Variants in CSNK1G3 observed in about 807,000 individuals in gnomAD.
CSNK1G3 encodes casein kinase 1 gamma 3.
A neutral mutation model predicts 64.3 loss-of-function variants in CSNK1G3; 23 were observed. That is an observed-to-expected ratio of 0.36 (90% confidence interval 0.26 to 0.51). The LOEUF (loss-of-function observed/expected upper bound fraction) is 0.51. Ranked by LOEUF, CSNK1G3 falls within the 20% of genes least tolerant of loss-of-function variation. The pLI is 0.96. For synonymous variants in CSNK1G3, 158 were observed against 162.2 expected (o/e 0.97, Z 0.20); for missense variants, 357 against 510.5 (o/e 0.70, Z 2.90).
At chr5:123,584,641 C>T (rs1331997144) in intron 6 of CSNK1G3, among the ~76,000 whole-genome samples, 3 of 152,072 alleles carry the variant, frequency 2.0e-5, no homozygotes, top group African/African-American at 7.2e-5. Flanking sequence ...GGAACTCTTC[C>T]AATCCTGGGT....
intron 1 of CSNK1G3, among the ~76,000 whole-genome samples, chr5:123,533,900 T>G (rs1780376900): frequency 2.0e-5 from 3 of 151,950 alleles, no homozygotes; most frequent in Non-Finnish European, 4.4e-5. Flanking sequence ...ATTGTCAGTT[T>G]ATATTTGTGA....
chr5:123,594,678 GA>G (rs1252587237), intron 10 of CSNK1G3, among the ~76,000 whole-genome samples: 2 of 152,098 alleles, frequency 1.3e-5, no homozygotes, highest in African/African-American at 4.8e-5. Context: ...ATAGTGGGTG[GA>G]CTTCTAGTGT....
At chr5:123,551,740 T>G (rs935937067) in intron 2 of CSNK1G3, among the ~76,000 whole-genome samples, 9 of 152,132 alleles carry the variant, frequency 5.9e-5, no homozygotes, top group African/African-American at 2.2e-4. Flanking sequence ...GTTGATTGCT[T>G]CTTCTGTGTT....
chr5:123,523,884 A>G (rs1459764752), intron 1 of CSNK1G3, among the ~76,000 whole-genome samples: 5 of 152,206 alleles, frequency 3.3e-5, no homozygotes, highest in Non-Finnish European at 7.3e-5. Context: ...ATGTTTGATT[A>G]TAGTGTGCTG....
chr5:123,570,433 A>C (rs1302816159), intron 4 of CSNK1G3, among the ~76,000 whole-genome samples: 1 of 148,338 alleles, frequency 6.7e-6, no homozygotes, highest in Non-Finnish European at 1.5e-5. Flanking sequence ...GGCTCACTGC[A>C]ACCTCCACCT....
intron 4 of CSNK1G3, among the ~76,000 whole-genome samples, chr5:123,558,273 T>C (rs1048726434): frequency 1.3e-4 from 20 of 152,148 alleles, no homozygotes; most frequent in African/African-American, 4.3e-4. Flanking sequence ...GCAACTAATA[T>C]GGGTATGTTT....
At chr5:123,608,280 T>C (rs1288992110) in intron 12 of CSNK1G3, among the ~76,000 whole-genome samples, 2 of 152,190 alleles carry the variant, frequency 1.3e-5, no homozygotes, top group African/African-American at 4.8e-5. Context: ...TTTAGCATCC[T>C]CATGTTTCCT....
chr5:123,535,101 T>C (rs1307577390), intron 1 of CSNK1G3, among the ~76,000 whole-genome samples: 2 of 152,170 alleles, frequency 1.3e-5, no homozygotes, highest in African/African-American at 4.8e-5. Context: ...GGCACTACTG[T>C]CAAGTTATAA....
chr5:123,576,789 C>A (rs1789250636), intron 6 of CSNK1G3, among the ~76,000 whole-genome samples: 1 of 152,076 alleles, frequency 6.6e-6, no homozygotes, highest in East Asian at 1.9e-4. Flanking sequence ...AATTTCTCTA[C>A]TGAAAAGTTT....
At chr5:123,562,962 A>T (rs1410259100) in intron 4 of CSNK1G3, among the ~76,000 whole-genome samples, 1 of 152,062 alleles carries the variant, frequency 6.6e-6, no homozygotes, top group Non-Finnish European at 1.5e-5. Context: ...CATAGAACAT[A>T]TTTGAAATTT....
At chr5:123,553,201 A>G in intron 3 of CSNK1G3, 54 bp downstream of exon 3, 1 of 934,906 alleles carries the variant, frequency 1.1e-6, no homozygotes, top group Non-Finnish European at 1.6e-6. Flanking sequence ...CTTTTTAAGT[A>G]ACTTATATAT....
chr5:123,613,258 G>A (rs1353685265), intron 12 of CSNK1G3, among the ~76,000 whole-genome samples: 1 of 151,288 alleles, frequency 6.6e-6, no homozygotes, highest in African/African-American at 2.4e-5. Flanking sequence ...TTTTCCCACA[G>A]CAGCCTTGAT....
intron 4 of CSNK1G3, among the ~76,000 whole-genome samples, chr5:123,561,770 G>C (rs1463232749): frequency 2.0e-5 from 3 of 151,836 alleles, no homozygotes; most frequent in Non-Finnish European, 2.9e-5. Context: ...TTATTTTCTC[G>C]ACAGTTTCTC....
At chr5:123,567,917 G>T (rs1403322478) in intron 4 of CSNK1G3, among the ~76,000 whole-genome samples, 6 of 152,192 alleles carry the variant, frequency 3.9e-5, no homozygotes, top group Admixed American at 1.3e-4. Context: ...ATAAAAATTA[G>T]TGCTTCGGGA....
exon 13 of CSNK1G3, chr5:123,616,337 T>G (rs917695271): frequency 4.6e-5 from 7 of 152,628 alleles, no homozygotes; most frequent in African/African-American, 1.7e-4. Flanking sequence ...TGCGAATATC[T>G]GTATTTCTTA....
At chr5:123,587,252 G>C (rs1791503411) in intron 6 of CSNK1G3, among the ~76,000 whole-genome samples, 1 of 152,204 alleles carries the variant, frequency 6.6e-6, no homozygotes. Context: ...GATTGTTCAT[G>C]TGGATAAAAC....
chr5:123,572,577 C>T (rs1788336085), intron 4 of CSNK1G3, among the ~76,000 whole-genome samples: 1 of 152,174 alleles, frequency 6.6e-6, no homozygotes, highest in Non-Finnish European at 1.5e-5. Context: ...TGCAATCTTA[C>T]ATGAGCCTCA....
chr5:123,605,324 T>G lies in CSNK1G3; in HGVS notation c.1194-15T>G, dbSNP rs79970831. The G allele has an allele frequency of 1.3e-6, 2 of 1,596,330 alleles. No individual in the cohort carries two copies. Among genetic ancestry groups the G allele is most frequent in the African/African-American group, 2.7e-5 (2 of 74,224 alleles). On this transcript the variant is annotated splice_polypyrimidine_tract_variant and intron_variant, in intron 11 of 12. Coordinates refer to ENST00000345990, the Ensembl canonical transcript of CSNK1G3. ...TTTTTTTTCCTTGTATTTTTTTTTT[T>G]GTGTGTGCGTATAGCTGCCAGAAAG...
At chr5:123,530,020 C>G (rs1358482395) in intron 1 of CSNK1G3, among the ~76,000 whole-genome samples, 2 of 151,392 alleles carry the variant, frequency 1.3e-5, no homozygotes, top group Non-Finnish European at 2.9e-5. Flanking sequence ...ACCTGTAGTC[C>G]CAGCTATTTT....
Sources: allele counts gnomAD v4.1 joint callset (sites outside exome capture counted in the v4.1 genomes callset), GRCh38; gene constraint gnomAD v4.1.1; transcripts MANE v1.5; gene names NCBI Gene and HGNC (gene_info 2026-07-23, HGNC 2026-07-21).